LPP: variants seen among roughly 807,000 people sequenced by gnomAD.
LPP encodes the protein LIM domain containing preferred translocation partner in lipoma, also known as lipoma-preferred partner.
Under a neutral mutation model 60.4 loss-of-function variants are expected in LPP, and 38 were observed. The observed-to-expected ratio is 0.63, with a 90% CI of 0.49 to 0.83. The LOEUF (loss-of-function observed/expected upper bound fraction) is 0.83. Among genes scored for constraint, LPP ranks in the 40% least tolerant of loss-of-function variants. The pLI, the probability that LPP is intolerant of heterozygous loss-of-function variation, is 0.00. For synonymous variants in LPP, 328 were observed against 290.8 expected, an observed-to-expected ratio of 1.13 and a Z score of -1.30; for missense variants, 902 against 783.6, an observed-to-expected ratio of 1.15 and a Z score of -1.80.
chr3:188,604,129 T>G (rs1841970523), intron 6 of LPP, among the ~76,000 whole-genome samples: 1 of 152,160 alleles, frequency 6.6e-6, no homozygotes, highest in African/African-American at 2.4e-5. Flanking sequence ...CCAAATATTC[T>G]GTAACTAAGA....
At chr3:188,333,094 A>G (rs1467052934) in intron 2 of LPP, among the ~76,000 whole-genome samples, 3 of 152,222 alleles carry the variant, frequency 2.0e-5, no homozygotes, top group African/African-American at 7.2e-5. Context: ...AGTACATAAA[A>G]ATAATCTCAT....
chr3:188,834,751 G>A (rs1029001035), intron 9 of LPP, among the ~76,000 whole-genome samples: 5 of 152,024 alleles, frequency 3.3e-5, no homozygotes, highest in Admixed American at 6.6e-5. Flanking sequence ...TCCATGTCTC[G>A]TGGACCAAAT....
chr3:188,302,651 G>A (rs535196351), intron 2 of LPP, among the ~76,000 whole-genome samples: 34 of 152,276 alleles, frequency 2.2e-4, no homozygotes, highest in Middle Eastern at 3.4e-3. Flanking sequence ...TCCTCCACAA[G>A]ATGCACCTTA....
chr3:188,296,232 G>T (rs1475493020), intron 2 of LPP, among the ~76,000 whole-genome samples: 1 of 152,196 alleles, frequency 6.6e-6, no homozygotes, highest in Non-Finnish European at 1.5e-5. Context: ...TGACAATTCA[G>T]GAGCTTGGAG....
chr3:188,323,192 A>T (rs76612937), intron 2 of LPP, among the ~76,000 whole-genome samples: 172 of 152,290 alleles, frequency 1.1e-3, no homozygotes, highest in Non-Finnish European at 2.0e-3. Flanking sequence ...AATAAAGAAA[A>T]GAGAGAGAGC....
At chr3:188,556,049 G>C (rs533487157) in intron 6 of LPP, among the ~76,000 whole-genome samples, 1 of 152,226 alleles carries the variant, frequency 6.6e-6, no homozygotes, top group Non-Finnish European at 1.5e-5. Context: ...AAGAGTGAGT[G>C]TGTGATCAAG....
At chr3:188,459,778 T>C (rs1414478532) in intron 4 of LPP, among the ~76,000 whole-genome samples, 1 of 152,100 alleles carries the variant, frequency 6.6e-6, no homozygotes, top group Non-Finnish European at 1.5e-5. Context: ...CTGATTATTA[T>C]CAATAGAATC....
At chr3:188,657,256 G>GTGTATATATATATATATATA (rs1853426297) in intron 7 of LPP, among the ~76,000 whole-genome samples, 1 of 5,788 alleles carries the variant, frequency 1.7e-4, no homozygotes, top group East Asian at 0.014. Context: ...AGCTGTCAAG[G>GTGTATATATATATATATATA]TGTATATATA....
chr3:188,479,332 T>C (rs1181277490), intron 4 of LPP, among the ~76,000 whole-genome samples: 2 of 152,172 alleles, frequency 1.3e-5, no homozygotes, highest in Non-Finnish European at 2.9e-5. Flanking sequence ...GACATGTCAC[T>C]GCCAGTGCAG....
intron 7 of LPP, among the ~76,000 whole-genome samples, chr3:188,694,439 A>G (rs1274248874): frequency 1.3e-5 from 2 of 152,220 alleles, no homozygotes; most frequent in African/African-American, 4.8e-5. Flanking sequence ...ATGGTGGCTC[A>G]TGCCTGTAAT....
chr3:188,272,345 C>A (rs1032173920), intron 2 of LPP, among the ~76,000 whole-genome samples: 15 of 152,146 alleles, frequency 9.9e-5, no homozygotes, highest in Non-Finnish European at 1.6e-4. Context: ...GTAAAAAGAC[C>A]GTGCCATTAT....
At chr3:188,508,057 G>A (rs1040756851) in intron 5 of LPP, among the ~76,000 whole-genome samples, 3 of 152,166 alleles carry the variant, frequency 2.0e-5, no homozygotes, top group Admixed American at 2.0e-4. Flanking sequence ...GTACTCAAGT[G>A]ATCAGAAATG....
chr3:188,831,603 G>T (rs992092651), intron 9 of LPP, among the ~76,000 whole-genome samples: 1 of 152,210 alleles, frequency 6.6e-6, no homozygotes, highest in African/African-American at 2.4e-5. Flanking sequence ...TCTTTCCGGT[G>T]TTCCATGTAC....
At chr3:188,591,865 A>G (rs759932070) in intron 6 of LPP, among the ~76,000 whole-genome samples, 8 of 152,336 alleles carry the variant, frequency 5.3e-5, no homozygotes, top group Middle Eastern at 3.4e-3. Flanking sequence ...TTTGAATTCA[A>G]TATCAGAGGG....
intron 3 of LPP, among the ~76,000 whole-genome samples, chr3:188,392,190 A>G (rs1221796639): frequency 2.6e-5 from 4 of 152,254 alleles, no homozygotes; most frequent in Admixed American, 1.3e-4. Flanking sequence ...GTAGTTAATT[A>G]TATAACAGAA....
At chr3:188,690,116 C>A (rs796149280) in intron 7 of LPP, among the ~76,000 whole-genome samples, 2 of 152,142 alleles carry the variant, frequency 1.3e-5, no homozygotes, top group African/African-American at 4.8e-5. Flanking sequence ...CATCTTCATA[C>A]CTACCTTATA....
chr3:188,563,320 A>G (rs1480938410), intron 6 of LPP, among the ~76,000 whole-genome samples: 1 of 151,912 alleles, frequency 6.6e-6, no homozygotes, highest in African/African-American at 2.4e-5. Flanking sequence ...GAAGTTGAAC[A>G]TAACAGCCCT....
intron 8 of LPP, among the ~76,000 whole-genome samples, chr3:188,741,570 A>ATC (rs1724444800): frequency 7.0e-6 from 1 of 143,788 alleles, no homozygotes; most frequent in Non-Finnish European, 1.5e-5. Flanking sequence ...CCTTTACTTC[A>ATC]TTTTTTTTTT....
chr3:188,401,013 A>T (rs1285498483), intron 3 of LPP, among the ~76,000 whole-genome samples: 2 of 152,176 alleles, frequency 1.3e-5, no homozygotes, highest in Non-Finnish European at 2.9e-5. Context: ...AAGCACTCTA[A>T]AATATTAGAG....
Sources: allele counts gnomAD v4.1 joint callset (sites outside exome capture counted in the v4.1 genomes callset), GRCh38; gene constraint gnomAD v4.1.1; transcripts MANE v1.5; gene names NCBI Gene and HGNC (gene_info 2026-07-23, HGNC 2026-07-21).